Variants in MKLN1 observed in about 807,000 individuals in gnomAD.
MKLN1 encodes the protein muskelin.
In MKLN1, 18 loss-of-function variants were observed where a neutral mutation model predicts 99.0. That is an observed-to-expected ratio of 0.18 (90% CI 0.13 to 0.27). The LOEUF is 0.27. Ranked by LOEUF, MKLN1 falls within the 10% of genes least tolerant of loss-of-function variation. The probability of loss-of-function intolerance (pLI) is 1.00; values close to 1 mark genes in which losing one functional copy is unlikely to be tolerated. For missense variants in MKLN1, 621 were observed against 875.9 expected (o/e 0.71, Z 3.67); for synonymous variants, 288 against 293.2 (o/e 0.98, Z 0.18).
At chr7:131,449,594 C>T (rs1796119820) in intron 12 of MKLN1, among the ~76,000 whole-genome samples, 1 of 152,128 alleles carries the variant, frequency 6.6e-6, no homozygotes, top group South Asian at 2.1e-4. Context: ...AATTGAGGAA[C>T]CTCAGTGACT....
At chr7:131,313,160 C>T (rs530433139) in intron 3 of MKLN1, among the ~76,000 whole-genome samples, 1 of 152,260 alleles carries the variant, frequency 6.6e-6, no homozygotes, top group African/African-American at 2.4e-5. Context: ...TTTTACTTTA[C>T]CAATAATTTA....
chr7:131,179,612 G>A (rs1796350228), intron 2 of MKLN1, among the ~76,000 whole-genome samples: 1 of 151,864 alleles, frequency 6.6e-6, no homozygotes, highest in African/African-American at 2.4e-5. Context: ...GTCTTGCTCT[G>A]TCACCAGGCT....
intron 3 of MKLN1, among the ~76,000 whole-genome samples, chr7:131,259,481 A>ATCTC (rs1435870128): frequency 2.6e-5 from 4 of 152,144 alleles, no homozygotes; most frequent in Non-Finnish European, 2.9e-5. Context: ...ATATCTATCT[A>ATCTC]TCTGTAGATA....
At chr7:131,146,955 G>GT (rs1795822478) in intron 2 of MKLN1, among the ~76,000 whole-genome samples, 1 of 152,144 alleles carries the variant, frequency 6.6e-6, no homozygotes, top group South Asian at 2.1e-4. Context: ...TTGCGTGTAT[G>GT]TTTTTTAAGT....
At chr7:131,126,647 G>T (rs188776835) in intron 1 of MKLN1, among the ~76,000 whole-genome samples, 1 of 152,030 alleles carries the variant, frequency 6.6e-6, no homozygotes, top group Admixed American at 6.5e-5. Flanking sequence ...TCTGCCTCCC[G>T]GGTTCAAGCA....
rs1563247508 is a variant in MKLN1 at position 131,192,210 on chromosome 7, TAA to T, written c.-296-10645_-296-10644del. On this transcript the variant is annotated intron_variant, in intron 2 of 7. Transcript: ENST00000416992. ...TATAAAATATAATATATACAATATA[TAA>T]ATATATAAAATATATACAATATATA... 6.0e-4 allele frequency among the ~76,000 whole-genome samples: 39 copies of T among 64,854 alleles called. 7 individuals carry two copies. The highest frequency in any genetic ancestry group is 2.5e-3 in the African/African-American group (33 of 13,298). The allele number at this position is 64,854 out of a possible 152,430, so 42.5% of individuals were successfully genotyped here.
chr7:131,431,827 C>T (rs1795530615), intron 9 of MKLN1, among the ~76,000 whole-genome samples: 1 of 152,176 alleles, frequency 6.6e-6, no homozygotes, highest in South Asian at 2.1e-4. Context: ...TCCCATGTGC[C>T]AGTTAAAGTT....
At chr7:131,472,453 T>A (rs1796845307) in intron 16 of MKLN1, among the ~76,000 whole-genome samples, 1 of 152,254 alleles carries the variant, frequency 6.6e-6, no homozygotes, top group African/African-American at 2.4e-5. Context: ...TTTTGGTAGC[T>A]GGTTTCTGTT....
chr7:131,277,540 T>A (rs1797992471), intron 3 of MKLN1, among the ~76,000 whole-genome samples: 1 of 152,132 alleles, frequency 6.6e-6, no homozygotes, highest in Non-Finnish European at 1.5e-5. Flanking sequence ...TGCCTCGGCC[T>A]CCCAAAGTAC....
At chr7:131,185,758 G>A (rs76430749) in intron 2 of MKLN1, among the ~76,000 whole-genome samples, 1,648 of 152,164 alleles carry the variant, frequency 0.011, 37 homozygotes, top group African/African-American at 0.038. Flanking sequence ...TTCAATTCCC[G>A]TGTGTGAAAT....
At chr7:131,444,809 AGTAGTAGT>A (rs1301509359) in intron 11 of MKLN1, among the ~76,000 whole-genome samples, 4 of 148,374 alleles carry the variant, frequency 2.7e-5, no homozygotes, top group Admixed American at 1.3e-4. Context: ...TAGTAGTAGT[AGTAGTAGT>A]AGTAGAAGTG....
chr7:131,263,368 T>TAATAATAAAAAAAAA (rs373239401), intron 3 of MKLN1, among the ~76,000 whole-genome samples: 1 of 140,350 alleles, frequency 7.1e-6, no homozygotes, highest in East Asian at 2.2e-4. Flanking sequence ...ATAATAATAA[T>TAATAATAAAAAAAAA]AATAAAATTA....
chr7:131,242,249 C>T (rs2116496188), intron 3 of MKLN1, among the ~76,000 whole-genome samples: 1 of 152,268 alleles, frequency 6.6e-6, no homozygotes, highest in Non-Finnish European at 1.5e-5. Context: ...TGAAAGTTCA[C>T]AGCTGGCTAG....
chr7:131,145,642 G>A (rs1482710209), intron 2 of MKLN1, among the ~76,000 whole-genome samples: 1 of 152,226 alleles, frequency 6.6e-6, no homozygotes, highest in Admixed American at 6.5e-5. Context: ...GGTGTGTAAG[G>A]GGGATGGTGA....
chr7:131,254,468 T>A (rs1200929411), intron 3 of MKLN1, among the ~76,000 whole-genome samples: 1 of 152,020 alleles, frequency 6.6e-6, no homozygotes, highest in Non-Finnish European at 1.5e-5. Flanking sequence ...GGCTCAGATA[T>A]CAGACTTAGC....
intron 17 of MKLN1, among the ~76,000 whole-genome samples, chr7:131,486,301 G>A (rs929952406): frequency 2.0e-5 from 3 of 150,580 alleles, no homozygotes; most frequent in Admixed American, 6.6e-5. Flanking sequence ...TAATCTCACC[G>A]TTCAGAGATA....
chr7:131,417,999 T>C (rs891777091), intron 8 of MKLN1, among the ~76,000 whole-genome samples: 1 of 152,352 alleles, frequency 6.6e-6, no homozygotes, highest in East Asian at 1.9e-4. Context: ...AGTAAAATAC[T>C]GAGACCTGAT....
At chr7:131,480,623 C>G (rs977812859) in intron 17 of MKLN1, among the ~76,000 whole-genome samples, 1 of 152,168 alleles carries the variant, frequency 6.6e-6, no homozygotes, top group African/African-American at 2.4e-5. Context: ...TAATGATTTA[C>G]CACTATTCAT....
intron 3 of MKLN1, among the ~76,000 whole-genome samples, chr7:131,269,836 G>T (rs963286402): frequency 6.6e-6 from 1 of 152,182 alleles, no homozygotes; most frequent in Non-Finnish European, 1.5e-5. Context: ...GATGTACAAG[G>T]GAACACTGGT....
Sources: allele counts gnomAD v4.1 joint callset (sites outside exome capture counted in the v4.1 genomes callset), GRCh38; gene constraint gnomAD v4.1.1; transcripts MANE v1.5; gene names NCBI Gene and HGNC (gene_info 2026-07-23, HGNC 2026-07-21).